The following TMEM232 variants were observed in gnomAD, a reference collection of about 807,000 sequenced individuals.
TMEM232 encodes the protein transmembrane protein 232.
Under a neutral mutation model 78.8 loss-of-function variants are expected in TMEM232, and 80 were observed. The ratio of observed to expected loss-of-function variants is 1.01; its 90% confidence interval spans 0.85 to 1.22. The LOEUF is 1.22. TMEM232 is among the 50% of genes most tolerant of loss of function. The pLI is 0.00. For missense variants in TMEM232, 881 were observed against 742.2 expected, an observed-to-expected ratio of 1.19 and a Z score of -2.17; for synonymous variants, 297 against 254.3, an observed-to-expected ratio of 1.17 and a Z score of -1.60.
intron 1 of TMEM232, among the ~76,000 whole-genome samples, chr5:110,716,680 T>C (rs2150332306): frequency 6.6e-6 from 1 of 152,290 alleles, no homozygotes; most frequent in Non-Finnish European, 1.5e-5. Context: ...CACCTCTTGC[T>C]GTGGTTACTA....
chr5:110,687,865 A>C (rs1793621278), intron 1 of TMEM232, among the ~76,000 whole-genome samples: 1 of 152,160 alleles, frequency 6.6e-6, no homozygotes, highest in South Asian at 2.1e-4. Flanking sequence ...TTACATTAGA[A>C]AACACCATTT....
intron 1 of TMEM232, among the ~76,000 whole-genome samples, chr5:110,693,054 C>A (rs138961915): frequency 8.5e-5 from 13 of 152,274 alleles, no homozygotes; most frequent in Middle Eastern, 3.4e-3. Context: ...AAGCACCCCC[C>A]AGTAGGGGCG....
At chr5:110,657,028 C>G (rs907740884) in intron 2 of TMEM232, among the ~76,000 whole-genome samples, 1 of 151,938 alleles carries the variant, frequency 6.6e-6, no homozygotes, top group Non-Finnish European at 1.5e-5. Flanking sequence ...GTGCCATATC[C>G]ATCACTTTCA....
chr5:110,540,335 C>A lies in TMEM232; in HGVS notation c.1456-11500G>T, dbSNP rs142431498. Among the ~76,000 whole-genome samples, 25 of 152,258 alleles carry A rather than the reference C, an allele frequency of 1.6e-4. No homozygotes were observed. The East Asian group carries it at 4.8e-3, about 29-fold the overall frequency. On this transcript the variant is annotated intron_variant, in intron 11 of 13. Coordinates refer to ENST00000455884, the MANE Select transcript of TMEM232 (RefSeq NM_001039763.4). ...CACTGAAGTCACCCTAGGTCAACTA[C>A]CAGAAGTTCTAACCCCTCATCAGGT...
At chr5:110,565,652 G>T (rs1776259333) in intron 11 of TMEM232, among the ~76,000 whole-genome samples, 1 of 151,948 alleles carries the variant, frequency 6.6e-6, no homozygotes, top group African/African-American at 2.4e-5. Context: ...GTTCCCAAGT[G>T]TTTAGCTACT....
intron 12 of TMEM232, among the ~76,000 whole-genome samples, chr5:110,451,355 T>C (rs189657133): frequency 6.6e-6 from 1 of 152,314 alleles, no homozygotes; most frequent in East Asian, 1.9e-4. Flanking sequence ...ATATGCCTTT[T>C]AGATGTTGCT....
intron 10 of TMEM232, among the ~76,000 whole-genome samples, chr5:110,572,438 A>G (rs1777059150): frequency 1.3e-5 from 2 of 152,092 alleles, no homozygotes; most frequent in South Asian, 4.1e-4. Context: ...TAAAACATAC[A>G]GTGAATTTTA....
At chr5:110,435,065 C>G (rs1758272777) in intron 12 of TMEM232, among the ~76,000 whole-genome samples, 2 of 151,852 alleles carry the variant, frequency 1.3e-5, no homozygotes, top group South Asian at 4.1e-4. Flanking sequence ...AACTGGAAGT[C>G]TTAGCCAGAG....
intron 13 of TMEM232, 95 bp downstream of exon 13, chr5:110,424,728 A>C (rs1757055109): frequency 2.2e-5 from 21 of 958,092 alleles, no homozygotes; most frequent in African/African-American, 3.3e-5. Context: ...TAAATTTCAC[A>C]TATTAAGGTT....
rs1042759556 is a variant in TMEM232 at position 110,624,175 on chromosome 5, T to C, written c.768+1092A>G. 5.9e-5 allele frequency among the ~76,000 whole-genome samples: 9 copies of C among 152,198 alleles called. 1 individual carries two copies. Among genetic ancestry groups the C allele is most frequent in the Admixed American group, 4.6e-4 (7 of 15,258 alleles). Reference sequence around the variant, plus strand: ...TTCCAATCACAACAGTAAGCCAACATACTTATATCCTTAGATGAAAATATT... The same window carrying C: ...TTCCAATCACAACAGTAAGCCAACACACTTATATCCTTAGATGAAAATATT... On this transcript the variant is annotated intron_variant, in intron 7 of 13. Coordinates refer to ENST00000455884, the MANE Select transcript of TMEM232 (RefSeq NM_001039763.4).
chr5:110,429,371 A>T (rs893552623), intron 12 of TMEM232, among the ~76,000 whole-genome samples: 1 of 151,830 alleles, frequency 6.6e-6, no homozygotes, highest in African/African-American at 2.4e-5. Context: ...AGAAATGTGC[A>T]AAGATATTTA....
Position 110,448,484 on chromosome 5 carries a change from A to G in TMEM232, c.1704-23568T>C, listed in dbSNP as rs186935100. ...CTACAAAGACTAGCAGTGAACACTC[A>G]ATTACATTAAACATAAATTTCAGTC... On this transcript the variant is annotated intron_variant, in intron 12 of 13. Coordinates refer to ENST00000455884, the MANE Select transcript of TMEM232 (RefSeq NM_001039763.4). Among the ~76,000 whole-genome samples, 68 of 152,206 alleles carry G rather than the reference A, an allele frequency of 4.5e-4. No homozygotes were observed. The East Asian group carries it at 7.5e-3, about 17-fold the overall frequency.
rs533286088 is a variant in TMEM232 at position 110,563,583 on chromosome 5, G to C, written c.1455+4864C>G. 1.2e-4 allele frequency among the ~76,000 whole-genome samples: 18 copies of C among 151,922 alleles called. No individual in the cohort carries two copies. The East Asian group carries it at 3.3e-3, about 28-fold the overall frequency. The stretch of plus-strand genomic sequence containing the variant: ...TATACGCCATTTTCTATTTCTGTTA[G>C]AACTGTTCAAAAATTAGGCTGTAAT... On this transcript the variant is annotated intron_variant, in intron 11 of 13. Coordinates refer to ENST00000455884, the MANE Select transcript of TMEM232 (RefSeq NM_001039763.4).
At chr5:110,710,489 A>G (rs972082871) in intron 1 of TMEM232, among the ~76,000 whole-genome samples, 1 of 152,150 alleles carries the variant, frequency 6.6e-6, no homozygotes, top group Non-Finnish European at 1.5e-5. Context: ...TGATGCAAAA[A>G]TCCTCAACAA....
intron 12 of TMEM232, among the ~76,000 whole-genome samples, chr5:110,478,432 T>C (rs555954239): frequency 5.9e-5 from 9 of 152,014 alleles, no homozygotes; most frequent in African/African-American, 1.9e-4. Context: ...ATTGCGATAA[T>C]TGTCTCTATA....
Position 110,625,247 on chromosome 5 carries a change from C to A in TMEM232, c.768+20G>T. On this transcript the variant is annotated intron_variant, in intron 7 of 13. Transcript: ENST00000455884. Reference sequence around the variant, plus strand: ...GATGCATCAGGCAACAGGATATACCCACCATACCAGATTACTCACCATATC... The same window carrying A: ...GATGCATCAGGCAACAGGATATACCAACCATACCAGATTACTCACCATATC... 1 of 1,503,514 alleles carries A rather than the reference C, an allele frequency of 6.7e-7. No homozygotes were observed. The allele number at this position is 1,503,514 out of a possible 1,614,324, so 93.1% of individuals were successfully genotyped here.
chr5:110,689,921 C>A (rs184096927), intron 1 of TMEM232, among the ~76,000 whole-genome samples: 13 of 152,268 alleles, frequency 8.5e-5, no homozygotes, highest in African/African-American at 3.1e-4. Flanking sequence ...ATTGGGAAAA[C>A]TGGCTAGCCA....
At chr5:110,491,260 AAC>A (rs1765060548) in intron 12 of TMEM232, among the ~76,000 whole-genome samples, 1 of 152,112 alleles carries the variant, frequency 6.6e-6, no homozygotes, top group South Asian at 2.1e-4. Flanking sequence ...GAACATTAAA[AAC>A]ACAGCAATAT....
intron 12 of TMEM232, among the ~76,000 whole-genome samples, chr5:110,453,502 A>T (rs1170114478): frequency 1.1e-5 from 1 of 88,964 alleles, no homozygotes; most frequent in East Asian, 3.3e-4. Context: ...GAGTTTCACC[A>T]CATTGGCCAG....
Sources: gnomAD v4.1 joint callset for allele counts (sites outside exome capture counted in the v4.1 genomes callset) on GRCh38, gnomAD v4.1.1 for gene constraint, MANE v1.5 for transcripts, NCBI Gene and HGNC (gene_info 2026-07-23, HGNC 2026-07-21) for gene names.